Variants in IQCM observed in about 807,000 individuals in gnomAD.
IQCM encodes IQ domain-containing protein M.
IQCM carries 45 observed loss-of-function variants against 57.6 expected under a neutral mutation model. That is an observed-to-expected ratio of 0.78 (90% confidence interval 0.62 to 1.00). IQCM has a LOEUF of 1.00. Among genes scored for constraint, IQCM ranks in the 50% least tolerant of loss-of-function variants. The pLI, the probability that IQCM is intolerant of heterozygous loss-of-function variation, is 0.00. For missense variants in IQCM, 468 were observed against 511.6 expected, an observed-to-expected ratio of 0.91 and a Z score of 0.82; for synonymous variants, 148 against 158.9, an observed-to-expected ratio of 0.93 and a Z score of 0.51.
intron 6 of IQCM, among the ~76,000 whole-genome samples, chr4:149,682,887 G>T (rs573486532): frequency 6.6e-6 from 1 of 151,052 alleles, no homozygotes; most frequent in Non-Finnish European, 1.5e-5. Flanking sequence ...GGTGGGGTCA[G>T]GACTCAAATT....
At chr4:149,570,213 A>C (rs900815414) in intron 9 of IQCM, among the ~76,000 whole-genome samples, 3 of 152,140 alleles carry the variant, frequency 2.0e-5, no homozygotes, top group African/African-American at 7.2e-5. Context: ...ATTTATTTAC[A>C]AAGTTTTAAT....
intron 13 of IQCM, among the ~76,000 whole-genome samples, chr4:149,358,844 C>CAGCATATCATGATATACTCTCATG (rs1729208455): frequency 9.3e-6 from 1 of 108,028 alleles, no homozygotes; most frequent in Non-Finnish European, 2.0e-5. Context: ...GCACAGTGGA[C>CAGCATATCATGATATACTCTCATG]AGTATATCAT....
intron 13 of IQCM, among the ~76,000 whole-genome samples, chr4:149,381,679 C>A (rs776431138): frequency 6.6e-6 from 1 of 152,022 alleles, no homozygotes; most frequent in Non-Finnish European, 1.5e-5. Context: ...GTATCACCTA[C>A]CCCTAGGATG....
chr4:149,548,275 C>T (rs977327541), intron 12 of IQCM, among the ~76,000 whole-genome samples, 180 bp downstream of exon 12: 1 of 152,060 alleles, frequency 6.6e-6, no homozygotes, highest in Non-Finnish European at 1.5e-5. Flanking sequence ...AAATATTTTC[C>T]TTCACAAATA....
intron 12 of IQCM, among the ~76,000 whole-genome samples, chr4:149,480,249 A>T (rs1740634884): frequency 6.6e-6 from 1 of 152,126 alleles, no homozygotes; most frequent in African/African-American, 2.4e-5. Context: ...GCAGGGATGC[A>T]ATGCATAATA....
chr4:149,450,160 A>G (rs1219038237), intron 12 of IQCM, among the ~76,000 whole-genome samples: 2 of 151,924 alleles, frequency 1.3e-5, no homozygotes, highest in African/African-American at 4.8e-5. Context: ...GTCCACATGC[A>G]GAAGAATGAA....
chr4:149,486,919 C>T (rs1440076571), intron 12 of IQCM, among the ~76,000 whole-genome samples: 6 of 151,918 alleles, frequency 3.9e-5, no homozygotes, highest in African/African-American at 1.2e-4. Flanking sequence ...CTGCTTGTTG[C>T]TCTATCCTAC....
intron 12 of IQCM, among the ~76,000 whole-genome samples, chr4:149,530,683 G>A (rs1190125013): frequency 6.6e-6 from 1 of 152,058 alleles, no homozygotes; most frequent in East Asian, 1.9e-4. Flanking sequence ...GACAGTCACA[G>A]AGATTTTATT....
intron 8 of IQCM, among the ~76,000 whole-genome samples, chr4:149,591,254 G>C (rs1055311593): frequency 6.6e-6 from 1 of 151,854 alleles, no homozygotes; most frequent in South Asian, 2.1e-4. Context: ...AAATATCATT[G>C]GATGATTTTT....
At chr4:149,437,109 AC>A (rs1735437389) in intron 12 of IQCM, among the ~76,000 whole-genome samples, 1 of 152,102 alleles carries the variant, frequency 6.6e-6, no homozygotes, top group African/African-American at 2.4e-5. Context: ...ATTCTGTCTA[AC>A]TTCAAAGCCT....
At chr4:149,804,526 G>A (rs1773899747) in intron 2 of IQCM, among the ~76,000 whole-genome samples, 1 of 152,024 alleles carries the variant, frequency 6.6e-6, no homozygotes, top group Non-Finnish European at 1.5e-5. Context: ...AAGAAGAGTT[G>A]TTGACTTTCA....
intron 8 of IQCM, among the ~76,000 whole-genome samples, chr4:149,607,683 T>C (rs1754914600): frequency 6.6e-6 from 1 of 152,064 alleles, no homozygotes; most frequent in Non-Finnish European, 1.5e-5. Flanking sequence ...TTTGTTTTCT[T>C]TGTAATAAGA....
At chr4:149,574,412 C>T (rs936626112) in intron 9 of IQCM, among the ~76,000 whole-genome samples, 2 of 151,918 alleles carry the variant, frequency 1.3e-5, no homozygotes, top group Admixed American at 6.6e-5. Flanking sequence ...GAAGAGACCA[C>T]TCCACTTGTT....
intron 2 of IQCM, among the ~76,000 whole-genome samples, chr4:149,783,144 C>A (rs950807657): frequency 1.3e-5 from 2 of 152,210 alleles, no homozygotes; most frequent in Non-Finnish European, 2.9e-5. Context: ...CTCCACTTGG[C>A]TATCTAACCA....
rs59009117 is a variant in IQCM, at chr4:149,370,576, T to TACAC, written c.1391-18514_1391-18511dup. Among the ~76,000 whole-genome samples the TACAC allele has an allele frequency of 4.7e-5, 7 of 148,606 alleles. 1 individual carries two copies. The highest frequency in any genetic ancestry group is 1.3e-4 in the Admixed American group (2 of 14,842). On this transcript the variant is annotated intron_variant, in intron 13 of 13. Coordinates refer to ENST00000636793, the MANE Select transcript of IQCM (RefSeq NM_001363507.2). ...CTATACACACTCTATACACACACTA[T>TACAC]ACACACACACACACACCCTTATATG...
chr4:149,651,256 A>G (rs2150134260), intron 7 of IQCM, among the ~76,000 whole-genome samples: 1 of 152,272 alleles, frequency 6.6e-6, no homozygotes, highest in Non-Finnish European at 1.5e-5. Flanking sequence ...TGACAGCAGA[A>G]GCACCCTGGA....
intron 12 of IQCM, among the ~76,000 whole-genome samples, chr4:149,479,750 T>A (rs1238931358): frequency 6.6e-6 from 1 of 152,160 alleles, no homozygotes; most frequent in Non-Finnish European, 1.5e-5. Context: ...GTGCAGAGTC[T>A]GAGCAGGACA....
At chr4:149,570,742 A>T (rs1751075278) in intron 9 of IQCM, among the ~76,000 whole-genome samples, 1 of 152,236 alleles carries the variant, frequency 6.6e-6, no homozygotes, top group Admixed American at 6.6e-5. Context: ...TCCATGTTTT[A>T]ATCCATTCCT....
rs545349072 is a variant in IQCM, at chr4:149,579,760, T to G, written c.749+8170A>C. On this transcript the variant is annotated intron_variant, in intron 9 of 13. Transcript: ENST00000636793. The stretch of plus-strand genomic sequence containing the variant: ...AGATGCAGCTAAATAACACTTGACT[T>G]GGAGGTATATGAGGGAGTTTGGAGA... 7.9e-5 allele frequency among the ~76,000 whole-genome samples: 12 copies of G among 151,888 alleles called. No homozygotes were observed. The East Asian group carries it at 2.2e-3, about 27-fold the overall frequency.
Sources: allele counts gnomAD v4.1 joint callset (sites outside exome capture counted in the v4.1 genomes callset), GRCh38; gene constraint gnomAD v4.1.1; transcripts MANE v1.5; gene names NCBI Gene and HGNC (gene_info 2026-07-23, HGNC 2026-07-21).